MRAP2: variants seen among roughly 807,000 people sequenced by gnomAD.
MRAP2 encodes melanocortin-2 receptor accessory protein 2.
Under a neutral mutation model 17.4 loss-of-function variants are expected in MRAP2, and 20 were observed. The ratio of observed to expected loss-of-function variants is 1.15; its 90% CI spans 0.81 to 1.67. The LOEUF is 1.67. Among genes scored for constraint, MRAP2 ranks in the 40% most tolerant of loss-of-function variants. The pLI, the probability that MRAP2 is intolerant of heterozygous loss-of-function variation, is 0.00. For synonymous variants in MRAP2, 96 were observed against 88.4 expected (o/e 1.09, Z -0.48); for missense variants, 238 against 240.0 (o/e 0.99, Z 0.05).
intron 2 of MRAP2, among the ~76,000 whole-genome samples, chr6:84,060,765 A>G (rs2129166796): frequency 6.6e-6 from 1 of 151,120 alleles, no homozygotes; most frequent in Middle Eastern, 3.4e-3. Flanking sequence ...GGCTCACTGC[A>G]AGCTCCACCT....
At chr6:84,033,989 A>T in intron 1 of MRAP2, 106 bp downstream of exon 1, 2 of 882,050 alleles carry the variant, frequency 2.3e-6, no homozygotes, top group Non-Finnish European at 2.7e-6. Flanking sequence ...GTTTGGGGGC[A>T]GTCTTTAGTT....
intron 2 of MRAP2, among the ~76,000 whole-genome samples, chr6:84,060,283 C>T (rs911515859): frequency 1.3e-5 from 2 of 152,184 alleles, no homozygotes; most frequent in East Asian, 3.9e-4. Flanking sequence ...CTGTAACCCT[C>T]CCATGCTTCA....
At chr6:84,057,630 C>A (rs1163669440) in intron 2 of MRAP2, among the ~76,000 whole-genome samples, 6 of 152,086 alleles carry the variant, frequency 3.9e-5, no homozygotes, top group Non-Finnish European at 1.5e-5. Flanking sequence ...TTCATTCATT[C>A]AATATATATT....
At chr6:84,059,498 A>G (rs2129166340) in intron 2 of MRAP2, among the ~76,000 whole-genome samples, 1 of 152,316 alleles carries the variant, frequency 6.6e-6, no homozygotes, top group South Asian at 2.1e-4. Context: ...TGGAAAGTTC[A>G]CCATTTATTC....
At chr6:84,068,536 G>A (rs1279701031) in intron 3 of MRAP2, among the ~76,000 whole-genome samples, 23 of 152,036 alleles carry the variant, frequency 1.5e-4, no homozygotes, top group Admixed American at 1.5e-3. Context: ...GTGTTTTCAT[G>A]TGTTTGTTTT....
the MRAP2 span, among the ~76,000 whole-genome samples, chr6:84,126,672 A>G: frequency 2.6e-5 from 4 of 152,198 alleles, no homozygotes; most frequent in Non-Finnish European, 4.4e-5. Flanking sequence ...TCCAGAAAGT[A>G]AAGGTTCCTC....
the MRAP2 span, among the ~76,000 whole-genome samples, chr6:84,139,621 AG>A: frequency 2.6e-5 from 4 of 152,222 alleles, no homozygotes; most frequent in Non-Finnish European, 4.4e-5. Context: ...AGCTGGTAAA[AG>A]GTAAGAATTC....
intron 1 of MRAP2, among the ~76,000 whole-genome samples, chr6:84,051,078 G>A (rs1562874774): frequency 6.6e-6 from 1 of 152,168 alleles, no homozygotes; most frequent in Non-Finnish European, 1.5e-5. Flanking sequence ...ATCTGCTGAT[G>A]TTTACCCCTT....
At chr6:84,037,804 G>C (rs1379506306) in intron 1 of MRAP2, among the ~76,000 whole-genome samples, 1 of 151,938 alleles carries the variant, frequency 6.6e-6, no homozygotes, top group South Asian at 2.1e-4. Context: ...GCCAGCCCGG[G>C]TTCCTGCCCC....
At chr6:84,120,206 T>A in the MRAP2 span, among the ~76,000 whole-genome samples, 1 of 152,218 alleles carries the variant, frequency 6.6e-6, no homozygotes, top group African/African-American at 2.4e-5. Flanking sequence ...TCTGCCTTTT[T>A]GTTCTATATA....
chr6:84,081,109 T>C (rs535273029), intron 3 of MRAP2, among the ~76,000 whole-genome samples: 38 of 152,318 alleles, frequency 2.5e-4, no homozygotes, highest in Admixed American at 1.1e-3. Flanking sequence ...AAGTCACCCA[T>C]TGGGTGCACT....
chr6:84,073,804 G>A (rs192246164), intron 3 of MRAP2, among the ~76,000 whole-genome samples: 1 of 151,966 alleles, frequency 6.6e-6, no homozygotes, highest in East Asian at 1.9e-4. Flanking sequence ...CCAACCTGCG[G>A]CCCAGAATAG....
the MRAP2 span, among the ~76,000 whole-genome samples, chr6:84,133,562 C>T: frequency 6.2e-3 from 940 of 152,296 alleles, 3 homozygotes; most frequent in African/African-American, 0.021. Flanking sequence ...GCCTCAGCAA[C>T]GGCGGATGCC....
intron 2 of MRAP2, chr6:84,062,085 G>A (rs1170687971): frequency 1.0e-6 from 1 of 985,316 alleles, no homozygotes; most frequent in African/African-American, 1.7e-5. Flanking sequence ...ATGCAAAGTT[G>A]CTACCTAATT....
chr6:84,076,423 C>T (rs1310166370), intron 3 of MRAP2, among the ~76,000 whole-genome samples: 1 of 152,034 alleles, frequency 6.6e-6, no homozygotes. Flanking sequence ...GGGGTTTCTC[C>T]ATGTTGGCCA....
At chr6:84,093,255 A>G (rs1202996490), downstream of MRAP2, among the ~76,000 whole-genome samples, 1 of 140,178 alleles carries the variant, frequency 7.1e-6, no homozygotes, top group Non-Finnish European at 1.5e-5. Flanking sequence ...GAGAGAGAAT[A>G]GGGCAAGAAA....
intron 3 of MRAP2, among the ~76,000 whole-genome samples, chr6:84,076,213 A>G (rs9449773): frequency 0.31 from 47,144 of 149,832 alleles, 8,747 homozygotes; most frequent in African/African-American, 0.53. Flanking sequence ...GGTGTCCACT[A>G]CACCCAGCTA....
chr6:84,076,549 AG>A (rs1213356056), intron 3 of MRAP2, among the ~76,000 whole-genome samples: 1 of 151,938 alleles, frequency 6.6e-6, no homozygotes, highest in Non-Finnish European at 1.5e-5. Flanking sequence ...TAGTAGAGAC[AG>A]GGTTTCACCA....
the MRAP2 span, among the ~76,000 whole-genome samples, chr6:84,119,017 C>T: frequency 6.7e-6 from 1 of 150,090 alleles, no homozygotes; most frequent in African/African-American, 2.5e-5. Context: ...TACTTTTGGA[C>T]ACTATATCTG....
Sources: gnomAD v4.1 joint callset for allele counts (sites outside exome capture counted in the v4.1 genomes callset) on GRCh38, gnomAD v4.1.1 for gene constraint, MANE v1.5 for transcripts, NCBI Gene and HGNC (gene_info 2026-07-23, HGNC 2026-07-21) for gene names.